The following DENND1A variants were observed in gnomAD, a reference collection of about 807,000 sequenced individuals.
The protein encoded by DENND1A is DENN domain containing 1A.
In DENND1A, 51 loss-of-function variants were observed where a neutral mutation model predicts 113.7. The observed-to-expected ratio is 0.45, with a 90% confidence interval of 0.36 to 0.57. DENND1A has a LOEUF of 0.57. Ranked by LOEUF, DENND1A falls within the 20% of genes least tolerant of loss-of-function variation. The pLI is 0.00. For synonymous variants in DENND1A, 565 were observed against 570.8 expected (o/e 0.99, Z 0.14); for missense variants, 1,258 against 1,395.9 (o/e 0.90, Z 1.57).
Position 123,766,377 on chromosome 9 carries a change from T to G in DENND1A, c.182+3137A>C, listed in dbSNP as rs1828817049. Among the ~76,000 whole-genome samples, 3 of 152,124 alleles carry G rather than the reference T, an allele frequency of 2.0e-5. No homozygotes were observed. The South Asian group carries it at 6.2e-4, about 32-fold the overall frequency. ...TCCAAGTCTGAGACCATTTCCGTTA[T>G]CCCCCATATTACCCAACACAATGCT... On this transcript the variant is annotated intron_variant, in intron 4 of 23. Coordinates refer to ENST00000394215, the MANE Select transcript of DENND1A (RefSeq NM_001352964.2).
chr9:123,725,020 G>T (rs942447190), intron 5 of DENND1A, among the ~76,000 whole-genome samples: 9 of 152,128 alleles, frequency 5.9e-5, no homozygotes, highest in African/African-American at 2.2e-4. Flanking sequence ...AAATTCAAAA[G>T]CAACTCTTAC....
intron 13 of DENND1A, among the ~76,000 whole-genome samples, chr9:123,467,331 C>T (rs1236258340): frequency 6.6e-6 from 1 of 152,134 alleles, no homozygotes; most frequent in East Asian, 1.9e-4. Context: ...TCTCCTTTGC[C>T]AATGTCCTTA....
At chr9:123,545,898 T>C (rs948099063) in intron 13 of DENND1A, among the ~76,000 whole-genome samples, 2 of 152,074 alleles carry the variant, frequency 1.3e-5, no homozygotes, top group Non-Finnish European at 2.9e-5. Context: ...CTTTTCAGAG[T>C]CTCACTGAAA....
chr9:123,787,494 C>G (rs570655776), intron 3 of DENND1A, among the ~76,000 whole-genome samples: 51 of 152,274 alleles, frequency 3.3e-4, no homozygotes, highest in African/African-American at 1.2e-3. Flanking sequence ...TCTCTACCGT[C>G]TCTCTAATCA....
Position 123,403,442 on chromosome 9 carries a change from C to G in DENND1A, c.1591G>C (p.Ala531Pro). ...ACAGACGTCCTCCGGCCTTCCACTG[C>G]GATGTTGCTCTTTGGTCTCTTAACA... Reference protein sequence around the residue: ...HVVKRPKSNIAVEGRRTSVPS... With the variant: ...HVVKRPKSNIPVEGRRTSVPS... The change falls in exon 21 of 24, where the codon GCA (alanine) becomes CCA (proline). Residue 531 changes from alanine (A) to proline (P), a missense_variant. Transcript: ENST00000394215. 6.2e-7 allele frequency: 1 copy of G among 1,614,140 alleles called. No individual in the cohort carries two copies. The highest frequency in any genetic ancestry group is 1.3e-5 in the African/African-American group (1 of 75,024).
chr9:123,757,271 G>T (rs998386837), intron 5 of DENND1A, among the ~76,000 whole-genome samples: 2 of 152,152 alleles, frequency 1.3e-5, no homozygotes, highest in African/African-American at 4.8e-5. Context: ...CGACCCAAAG[G>T]GGGCAAGGGT....
At chr9:123,861,518 G>T (rs1845049167) in intron 2 of DENND1A, among the ~76,000 whole-genome samples, 1 of 152,104 alleles carries the variant, frequency 6.6e-6, no homozygotes, top group Admixed American at 6.5e-5. Flanking sequence ...CGCTAAGAAG[G>T]AATCTGTTCA....
intron 9 of DENND1A, among the ~76,000 whole-genome samples, chr9:123,635,148 T>C (rs1486774992): frequency 6.6e-6 from 1 of 152,106 alleles, no homozygotes; most frequent in Non-Finnish European, 1.5e-5. Flanking sequence ...TAGATACCAA[T>C]GCCTCCGCTG....
At chr9:123,820,499 G>A (rs1167653248) in intron 2 of DENND1A, among the ~76,000 whole-genome samples, 2 of 152,276 alleles carry the variant, frequency 1.3e-5, no homozygotes, top group East Asian at 1.9e-4. Flanking sequence ...TGAGACGTGT[G>A]AGCTGAATTC....
intron 5 of DENND1A, among the ~76,000 whole-genome samples, chr9:123,703,305 T>C (rs867252208): frequency 6.6e-6 from 1 of 152,220 alleles, no homozygotes. Context: ...TTAAGGGATA[T>C]ACGTTATAAA....
At chr9:123,388,303 G>A (rs2042669517) in intron 21 of DENND1A, among the ~76,000 whole-genome samples, 1 of 152,172 alleles carries the variant, frequency 6.6e-6, no homozygotes, top group Admixed American at 6.5e-5. Context: ...CACATTCGCT[G>A]TCATCTGCTT....
intron 5 of DENND1A, among the ~76,000 whole-genome samples, chr9:123,735,597 C>T (rs1480426365): frequency 6.6e-6 from 1 of 152,194 alleles, no homozygotes; most frequent in Non-Finnish European, 1.5e-5. Flanking sequence ...AAATTGTCCT[C>T]TCATGAGTAA....
intron 13 of DENND1A, among the ~76,000 whole-genome samples, chr9:123,469,635 C>T (rs549265472): frequency 4.6e-5 from 7 of 152,294 alleles, no homozygotes; most frequent in South Asian, 4.1e-4. Flanking sequence ...TGCATACTAG[C>T]GTAAGATTTT....
chr9:123,810,034 G>A (rs547485002), intron 2 of DENND1A, among the ~76,000 whole-genome samples: 4 of 152,190 alleles, frequency 2.6e-5, no homozygotes, highest in East Asian at 3.9e-4. Flanking sequence ...CATGATTTTC[G>A]CTTCATTATC....
At chr9:123,552,708 C>T (rs534533411) in intron 13 of DENND1A, among the ~76,000 whole-genome samples, 3 of 152,362 alleles carry the variant, frequency 2.0e-5, no homozygotes, top group Non-Finnish European at 4.4e-5. Flanking sequence ...ATTCTGCCCC[C>T]AGTGACCTAC....
At chr9:123,914,615 T>C (rs1176210502) in intron 1 of DENND1A, among the ~76,000 whole-genome samples, 1 of 150,662 alleles carries the variant, frequency 6.6e-6, no homozygotes, top group Non-Finnish European at 1.5e-5. Flanking sequence ...AATTGGCTCA[T>C]AGTTCTGTAG....
At chr9:123,635,087 AT>A (rs5900582) in intron 9 of DENND1A, among the ~76,000 whole-genome samples, 65,789 of 150,792 alleles carry the variant, frequency 0.44, 15,042 homozygotes, top group African/African-American at 0.58. Flanking sequence ...ACAAGGACAC[AT>A]TTTTTTTTTC....
At position 123,667,099 on chromosome 9, in the gene DENND1A, G is replaced by T; in HGVS notation, c.454-20C>A. Reference sequence around the variant, plus strand: ...AGAATGCTAGAAAAGAAAAGCAAAAGTGATTTATTTCTGCTAAAATGTGTA... The same window carrying T: ...AGAATGCTAGAAAAGAAAAGCAAAATTGATTTATTTCTGCTAAAATGTGTA... On this transcript the variant is annotated intron_variant, in intron 7 of 23. Transcript: ENST00000394215. 6.3e-7 allele frequency: 1 copy of T among 1,590,416 alleles called. No homozygotes were observed. Among genetic ancestry groups the T allele is most frequent in the South Asian group, 1.2e-5 (1 of 85,932 alleles).
chr9:123,590,873 C>CA (rs2059423680), intron 11 of DENND1A, among the ~76,000 whole-genome samples: 1 of 152,160 alleles, frequency 6.6e-6, no homozygotes, highest in Admixed American at 6.5e-5. Flanking sequence ...GCCAACCATA[C>CA]AAGGTAAGAG....
Sources: allele counts gnomAD v4.1 joint callset (sites outside exome capture counted in the v4.1 genomes callset), GRCh38; gene constraint gnomAD v4.1.1; transcripts MANE v1.5; gene names NCBI Gene and HGNC (gene_info 2026-07-23, HGNC 2026-07-21).